SCRG1: variants seen among roughly 807,000 people sequenced by gnomAD.
SCRG1 encodes scrapie-responsive protein 1.
SCRG1 carries 3 observed loss-of-function variants against 7.7 expected under a neutral mutation model. The observed-to-expected ratio is 0.39, with a 90% CI of 0.18 to 1.01. The LOEUF is 1.01. Among genes scored for constraint, SCRG1 ranks in the 50% least tolerant of loss-of-function variants. The probability of loss-of-function intolerance (pLI) is 0.36; values close to 1 mark genes in which losing one functional copy is unlikely to be tolerated. For synonymous variants in SCRG1, 46 were observed against 41.2 expected (o/e 1.12, Z -0.44); for missense variants, 110 against 117.2 (o/e 0.94, Z 0.28).
the SCRG1 span, among the ~76,000 whole-genome samples, chr4:173,443,976 TG>T: frequency 6.6e-6 from 1 of 151,662 alleles, no homozygotes; most frequent in Non-Finnish European, 1.5e-5. Flanking sequence ...TGTGTGTGTG[TG>T]TGTGTGTGTG....
the SCRG1 span, among the ~76,000 whole-genome samples, chr4:173,431,902 A>G: frequency 2.0e-5 from 3 of 152,222 alleles, no homozygotes. Flanking sequence ...TCTACATTCA[A>G]CTGTTTGGAA....
Position 173,386,301 on chromosome 4 carries a change from A to ATTTTTT in SCRG1, c.*2034_*2039dup, listed in dbSNP as rs11302799. The ATTTTTT allele has an allele frequency of 1.4e-4, 16 of 117,030 alleles. No individual in the cohort carries two copies. Among genetic ancestry groups the ATTTTTT allele is most frequent in the African/African-American group, 4.0e-4 (13 of 32,530 alleles). The allele number at this position is 117,030 out of a possible 1,614,324, so 7.2% of individuals were successfully genotyped here. On this transcript the variant is annotated 3_prime_UTR_variant, in exon 3 of 3. Coordinates refer to ENST00000296506, the MANE Select transcript of SCRG1 (RefSeq NM_007281.4). ...AGGCGCCTGCCACCACGCCCAGCTA[A>ATTTTTT]TTTTTTTTTTTTTTTTTTTTGTATT...
At chr4:173,433,151 T>A in the SCRG1 span, among the ~76,000 whole-genome samples, 1 of 152,252 alleles carries the variant, frequency 6.6e-6, no homozygotes, top group Admixed American at 6.5e-5. Context: ...GTTTGGACTT[T>A]AGTAACTTTT....
the SCRG1 span, among the ~76,000 whole-genome samples, chr4:173,423,280 A>ATC: frequency 6.6e-6 from 1 of 152,344 alleles, no homozygotes; most frequent in East Asian, 1.9e-4. Context: ...TAATGCAAAG[A>ATC]TAAGGATTCA....
chr4:173,400,583 C>T (rs1739735509), upstream of SCRG1, among the ~76,000 whole-genome samples: 1 of 152,192 alleles, frequency 6.6e-6, no homozygotes, highest in East Asian at 1.9e-4. Context: ...ATAACTAATG[C>T]AGGTATTCAA....
chr4:173,402,108 C>A (rs6827729), upstream of SCRG1, among the ~76,000 whole-genome samples: 87,346 of 152,074 alleles, frequency 0.57, 26,216 homozygotes, highest in African/African-American at 0.74. Flanking sequence ...CCACCTGTTT[C>A]TTTGAGACGG....
At chr4:173,419,492 T>C in the SCRG1 span, 1 of 789,276 alleles carries the variant, frequency 1.3e-6, no homozygotes, top group Non-Finnish European at 2.2e-6. Context: ...GGAAGCATTT[T>C]CATCTTCTTC....
chr4:173,509,733 T>C, the SCRG1 span, among the ~76,000 whole-genome samples: 1 of 151,900 alleles, frequency 6.6e-6, no homozygotes. This position sits in a 1 kb window ranked among gnomAD's most constrained non-coding sequence, Gnocchi z 5.7. Flanking sequence ...CCAGGGCCCT[T>C]CTCGGGGGAG....
chr4:173,509,572 A>G, the SCRG1 span, among the ~76,000 whole-genome samples: 2 of 152,110 alleles, frequency 1.3e-5, no homozygotes, highest in Non-Finnish European at 2.9e-5. The surrounding 1 kb of genome is among the most constrained non-coding windows in gnomAD (Gnocchi z 5.7). Flanking sequence ...GCTGCCGGGC[A>G]AAAACCTCAT....
At chr4:173,457,521 G>T in the SCRG1 span, among the ~76,000 whole-genome samples, 1 of 152,260 alleles carries the variant, frequency 6.6e-6, no homozygotes, top group South Asian at 2.1e-4. Flanking sequence ...GATCCCTGCA[G>T]CCTGGCTGTT....
At chr4:173,497,664 A>AAC in the SCRG1 span, among the ~76,000 whole-genome samples, 1 of 133,050 alleles carries the variant, frequency 7.5e-6, no homozygotes, top group Non-Finnish European at 1.6e-5. Flanking sequence ...AAAAAAAAAA[A>AAC]AACTTACTCT....
At chr4:173,494,481 G>A in the SCRG1 span, among the ~76,000 whole-genome samples, 1 of 152,214 alleles carries the variant, frequency 6.6e-6, no homozygotes, top group African/African-American at 2.4e-5. Flanking sequence ...GTGCCAACAC[G>A]GGGTGCGCTC....
the SCRG1 span, among the ~76,000 whole-genome samples, chr4:173,451,203 T>C: frequency 6.6e-6 from 1 of 150,726 alleles, no homozygotes; most frequent in Non-Finnish European, 1.5e-5. Context: ...AGTTATCCTG[T>C]TTTTTTGAGA....
the SCRG1 span, among the ~76,000 whole-genome samples, chr4:173,475,990 T>A: frequency 4.6e-5 from 7 of 152,184 alleles, no homozygotes; most frequent in South Asian, 8.3e-4. Flanking sequence ...GATGAAAAAA[T>A]TCTGGAAGCA....
the SCRG1 span, among the ~76,000 whole-genome samples, chr4:173,458,005 C>G: frequency 6.6e-6 from 1 of 152,196 alleles, no homozygotes; most frequent in Non-Finnish European, 1.5e-5. Flanking sequence ...AGGCACCTGG[C>G]AGGCATGAGA....
intron 2 of SCRG1, chr4:173,389,845 C>A: frequency 2.3e-6 from 1 of 432,830 alleles, no homozygotes; most frequent in Non-Finnish European, 4.7e-6. Flanking sequence ...GTTATATCTA[C>A]CTTTTCTATT....
At chr4:173,440,328 G>A in the SCRG1 span, among the ~76,000 whole-genome samples, 32 of 152,180 alleles carry the variant, frequency 2.1e-4, no homozygotes, top group Non-Finnish European at 2.9e-5. Context: ...TCCTCACCAT[G>A]GAATATGTAG....
chr4:173,413,277 G>C, the SCRG1 span, among the ~76,000 whole-genome samples: 2 of 152,146 alleles, frequency 1.3e-5, no homozygotes, highest in African/African-American at 4.8e-5. Context: ...GCCCACCTAA[G>C]GTGAAAAAAT....
At chr4:173,483,200 T>A in the SCRG1 span, among the ~76,000 whole-genome samples, 1 of 83,062 alleles carries the variant, frequency 1.2e-5, no homozygotes, top group Non-Finnish European at 2.4e-5. Flanking sequence ...TGATATATAT[T>A]ATATGATATA....
Sources: gnomAD v4.1 joint callset for allele counts (sites outside exome capture counted in the v4.1 genomes callset) on GRCh38, gnomAD v4.1.1 for gene constraint, Gnocchi (gnomAD v3.1) non-coding constraint, MANE v1.5 for transcripts, NCBI Gene and HGNC (gene_info 2026-07-23, HGNC 2026-07-21) for gene names.